Variants in GRIK4 observed in about 807,000 individuals in gnomAD.
GRIK4 encodes the protein glutamate receptor ionotropic, kainate 4.
Under a neutral mutation model 104.9 loss-of-function variants are expected in GRIK4, and 40 were observed. The observed-to-expected ratio is 0.38, with a 90% CI of 0.30 to 0.50. The LOEUF (loss-of-function observed/expected upper bound fraction) is 0.50. Among genes scored for constraint, GRIK4 ranks in the 20% least tolerant of loss-of-function variants. GRIK4 has a pLI of 0.93. For synonymous variants in GRIK4, 485 were observed against 524.9 expected (o/e 0.92, Z 1.04); for missense variants, 1,047 against 1,308.1 (o/e 0.80, Z 3.08).
At chr11:120,697,525 G>T (rs1950471470) in intron 3 of GRIK4, among the ~76,000 whole-genome samples, 1 of 152,168 alleles carries the variant, frequency 6.6e-6, no homozygotes. Context: ...TGAGGCAGGA[G>T]AATTGCTTGA....
chr11:120,862,022 A>C lies in GRIK4; in HGVS notation c.808A>C (p.Ile270Leu). Residue 270 changes from isoleucine (I) to leucine (L), a missense_variant, in exon 9 of 21, where the codon ATT (isoleucine) becomes CTT (leucine). Physicochemically the swap from Ile to Leu is conservative, Grantham distance 5. This residue lies in a region of GRIK4 where 447 missense variants were observed against 514.9 expected (regional missense o/e 0.87). Coordinates refer to ENST00000527524, the MANE Select transcript of GRIK4 (RefSeq NM_014619.5). ...TCGTGTCAACATCCTGGGATTTTCC[A>C]TTTTCAACCAATCCCATGCTTTCTT... The part of the protein sequence containing the change: ...DDRVNILGFS[I>L]FNQSHAFFQE... The C allele has an allele frequency of 6.2e-7, 1 of 1,613,812 alleles. No homozygotes were observed. Among genetic ancestry groups the C allele is most frequent in the Non-Finnish European group, 8.5e-7 (1 of 1,179,672 alleles).
At chr11:120,929,002 C>T (rs1469431873) in intron 13 of GRIK4, among the ~76,000 whole-genome samples, 3 of 143,986 alleles carry the variant, frequency 2.1e-5, no homozygotes, top group African/African-American at 5.1e-5. Context: ...CGCGTGCACG[C>T]GTGTATGTGT....
chr11:120,666,198 G>A (rs561146880), intron 3 of GRIK4, among the ~76,000 whole-genome samples: 15 of 152,312 alleles, frequency 9.8e-5, no homozygotes, highest in Non-Finnish European at 1.2e-4. Flanking sequence ...CACTTTCCCC[G>A]GTGACCTGCA....
intron 1 of GRIK4, among the ~76,000 whole-genome samples, chr11:120,627,242 T>C (rs1389594650): frequency 6.6e-6 from 1 of 152,222 alleles, no homozygotes; most frequent in African/African-American, 2.4e-5. Flanking sequence ...TCTTCCTTCA[T>C]TCACAAGAAA....
intron 1 of GRIK4, among the ~76,000 whole-genome samples, chr11:120,515,890 G>A (rs750212408): frequency 1.3e-5 from 2 of 152,152 alleles, no homozygotes; most frequent in Non-Finnish European, 2.9e-5. Context: ...TACTCCGTTT[G>A]TTTCGCTCAG....
chr11:120,816,151 G>T (rs1184348684), intron 5 of GRIK4, among the ~76,000 whole-genome samples: 2 of 151,992 alleles, frequency 1.3e-5, no homozygotes, highest in African/African-American at 4.8e-5. Flanking sequence ...CAGAGTGACT[G>T]CCCCCCTCCC....
chr11:120,927,586 A>AAAAGAAAG (rs1555096054), intron 13 of GRIK4, among the ~76,000 whole-genome samples: 43 of 95,580 alleles, frequency 4.5e-4, no homozygotes, highest in South Asian at 1.7e-3. Context: ...AAAAAAAAAA[A>AAAAGAAAG]AAAGAAAGAA....
At chr11:120,520,731 C>T (rs1261032966) in intron 1 of GRIK4, among the ~76,000 whole-genome samples, 2 of 152,200 alleles carry the variant, frequency 1.3e-5, no homozygotes, top group African/African-American at 4.8e-5. Flanking sequence ...TGACTGGGGT[C>T]TTGGACTCTC....
At chr11:120,744,552 T>C (rs1414124375) in intron 3 of GRIK4, among the ~76,000 whole-genome samples, 1 of 152,148 alleles carries the variant, frequency 6.6e-6, no homozygotes, top group Non-Finnish European at 1.5e-5. Context: ...AGTCGTGGTG[T>C]CCCAGCAACT....
intron 3 of GRIK4, among the ~76,000 whole-genome samples, chr11:120,759,119 T>C (rs1951701562): frequency 6.6e-6 from 1 of 152,182 alleles, no homozygotes; most frequent in African/African-American, 2.4e-5. Flanking sequence ...GACACTGCTA[T>C]TTATTTTGAA....
intron 6 of GRIK4, among the ~76,000 whole-genome samples, chr11:120,824,081 A>G (rs1363561478): frequency 6.6e-6 from 1 of 152,246 alleles, no homozygotes; most frequent in Admixed American, 6.5e-5. Flanking sequence ...AGCAGAATCT[A>G]ATTCTATTTT....
At chr11:120,763,527 G>T (rs533160752) in intron 3 of GRIK4, among the ~76,000 whole-genome samples, 1 of 152,224 alleles carries the variant, frequency 6.6e-6, no homozygotes, top group Non-Finnish European at 1.5e-5. Flanking sequence ...TCTTTTAATT[G>T]TGATGTTAGG....
At chr11:120,623,824 C>T (rs1796700826) in intron 1 of GRIK4, among the ~76,000 whole-genome samples, 2 of 152,324 alleles carry the variant, frequency 1.3e-5, no homozygotes, top group South Asian at 4.1e-4. Context: ...ATGGGGTCTG[C>T]ACACATGGGG....
At chr11:120,955,815 T>C (rs1047537697) in intron 15 of GRIK4, among the ~76,000 whole-genome samples, 1 of 152,062 alleles carries the variant, frequency 6.6e-6, no homozygotes, top group Non-Finnish European at 1.5e-5. Flanking sequence ...GCATTCTTTT[T>C]TTTTTTTTGA....
intron 8 of GRIK4, among the ~76,000 whole-genome samples, chr11:120,861,146 T>TCAATG (rs1954254173): frequency 6.9e-6 from 1 of 145,216 alleles, no homozygotes; most frequent in African/African-American, 2.6e-5. Context: ...TTTGCTCTTC[T>TCAATG]TGCCCAGGCT....
intron 1 of GRIK4, chr11:120,576,484 T>G (rs1948485898): frequency 6.6e-6 from 1 of 152,176 alleles, no homozygotes; most frequent in African/African-American, 2.4e-5. Context: ...TTTTGCTGGC[T>G]AGGGGTGATG....
chr11:120,519,889 TTTG>T (rs1236945541), intron 1 of GRIK4, among the ~76,000 whole-genome samples: 10 of 146,578 alleles, frequency 6.8e-5, no homozygotes, highest in South Asian at 2.2e-4. Flanking sequence ...TGTTTTTTTT[TTTG>T]TTGTTGTTGT....
chr11:120,517,950 A>G (rs941585572), intron 1 of GRIK4, among the ~76,000 whole-genome samples: 1 of 152,218 alleles, frequency 6.6e-6, no homozygotes, highest in Non-Finnish European at 1.5e-5. Flanking sequence ...GCTGACTGCA[A>G]GGCACGCTTA....
chr11:120,646,515 A>AT (rs774468462), intron 1 of GRIK4, among the ~76,000 whole-genome samples: 4 of 151,986 alleles, frequency 2.6e-5, no homozygotes, highest in East Asian at 1.9e-4. Flanking sequence ...CATCCTAATT[A>AT]TTTTTTTTGC....
Sources: allele counts gnomAD v4.1 joint callset (sites outside exome capture counted in the v4.1 genomes callset), GRCh38; gene constraint gnomAD v4.1.1; regional missense constraint gnomAD v4.1.1; transcripts MANE v1.5; gene names NCBI Gene and HGNC (gene_info 2026-07-23, HGNC 2026-07-21).